Variants in KDM1A observed in about 807,000 individuals in gnomAD.
The protein encoded by KDM1A is lysine demethylase 1A, also known as lysine-specific histone demethylase 1A.
A neutral mutation model predicts 109.4 loss-of-function variants in KDM1A; 49 were observed. The ratio of observed to expected loss-of-function variants is 0.45; its 90% CI spans 0.36 to 0.57. KDM1A has a LOEUF of 0.57. KDM1A is among the 20% of genes least tolerant of loss of function. The pLI is 0.00. For missense variants in KDM1A, 668 were observed against 1,116.6 expected (o/e 0.60, Z 5.73); for synonymous variants, 380 against 415.4 (o/e 0.91, Z 1.04).
intron 8 of KDM1A, 132 bp from the exon 9 acceptor site, chr1:23,058,937 CTTTT>C (rs139330847): frequency 3.3e-5 from 15 of 457,438 alleles, no homozygotes; most frequent in Middle Eastern, 6.1e-4. Context: ...ACTTAGAGTG[CTTTT>C]TTTTTTGAGA....
chr1:23,076,263 A>G (rs1347499231), intron 15 of KDM1A, among the ~76,000 whole-genome samples: 1 of 152,166 alleles, frequency 6.6e-6, no homozygotes, highest in Non-Finnish European at 1.5e-5. Flanking sequence ...TACAAAAAAA[A>G]TGTTACATAG....
chr1:23,077,161 C>CAGA (rs1643491464), intron 15 of KDM1A, 67 bp from the exon 16 acceptor site: 1 of 1,462,454 alleles, frequency 6.8e-7, no homozygotes. Flanking sequence ...TGTTGTTGTA[C>CAGA]AGAACTAGGT....
In KDM1A at chr1:23,079,401, G is replaced by T; in HGVS notation, c.2056-152G>T. 1 of 699,678 alleles carries T rather than the reference G, an allele frequency of 1.4e-6. No homozygotes were observed. 43.3% of individuals were successfully genotyped at this position (699,678 alleles called of 1,614,324 possible). ...TTATGGGGTCATTTCACAAACTCAGGCCTATAAAAAGGGGATCGTAAATGT... is the reference window on the plus strand; with the variant it reads ...TTATGGGGTCATTTCACAAACTCAGTCCTATAAAAAGGGGATCGTAAATGT... On this transcript the variant is annotated intron_variant, in intron 17 of 20. Transcript: ENST00000400181. This position sits in a 1 kb window ranked among gnomAD's most constrained non-coding sequence, Gnocchi z 5.6.
intron 19 of KDM1A, 84 bp downstream of exon 19, chr1:23,081,657 G>C: frequency 6.7e-7 from 1 of 1,500,618 alleles, no homozygotes; most frequent in Non-Finnish European, 9.1e-7. Flanking sequence ...TCTTGGTCAG[G>C]ACAGTTTAAG....
rs1643336740 is a variant in KDM1A at position 23,072,065 on chromosome 1, A to G, written c.1549-59A>G. 4.2e-5 allele frequency: 43 copies of G among 1,035,436 alleles called. No homozygotes were observed. The South Asian group carries it at 5.7e-4, about 14-fold the overall frequency. The allele number at this position is 1,035,436 out of a possible 1,614,324, so 64.1% of individuals were successfully genotyped here. On this transcript the variant is annotated intron_variant, in intron 13 of 20. Transcript: ENST00000400181. ...CCAGACCTTATACTTTGTGGTACAA[A>G]GAAACTAGGTGGATATCTGACCCTT...
At chr1:23,071,465 T>C in intron 13 of KDM1A, 106 bp downstream of exon 13, 1 of 1,090,520 alleles carries the variant, frequency 9.2e-7, no homozygotes, top group Non-Finnish European at 1.3e-6. Context: ...ACAAGTGCCT[T>C]CAGTGCAATG....
intron 13 of KDM1A, 148 bp from the exon 14 acceptor site, chr1:23,071,976 C>G: frequency 1.8e-6 from 1 of 559,118 alleles, no homozygotes; most frequent in South Asian, 2.9e-5. Context: ...TCTCTCAGCT[C>G]TATCTAACCC....
At position 23,078,990 on chromosome 1, in the gene KDM1A, G is replaced by A. The variant is rs1217824799; in HGVS notation, c.1868G>A (p.Gly623Glu). 1 of 1,613,208 alleles carries A rather than the reference G, an allele frequency of 6.2e-7. No individual in the cohort carries two copies. Among genetic ancestry groups the A allele is most frequent in the Non-Finnish European group, 8.5e-7 (1 of 1,179,352 alleles). Residue 623 changes from glycine (G) to glutamate (E), a missense_variant and splice_region_variant, in exon 17 of 21, where the codon GGA (glycine) becomes GAA (glutamate). By Grantham distance (98) the Gly-to-Glu change is moderately conservative. Around this residue, in one of 8 missense-constraint regions of KDM1A, gnomAD observed 162 missense variants for 376.4 expected, o/e 0.43. Transcript: ENST00000400181. ...GTCTTTTCCCACCCAACCTCTGCAG[G>A]ATGTGAAGTGATAGCTGTGAATACC... ...AVRQVRYTAS[G>E]CEVIAVNTRS...
intron 10 of KDM1A, among the ~76,000 whole-genome samples, chr1:23,066,671 A>G (rs1557576091): frequency 6.6e-6 from 1 of 152,164 alleles, no homozygotes; most frequent in Non-Finnish European, 1.5e-5. Context: ...ACACATAGAA[A>G]TATCACTTTT....
In KDM1A at chr1:23,081,138, T is replaced by G. The variant is rs1486445873; in HGVS notation, c.2171-308T>G. Reference sequence around the variant, plus strand: ...TGTGCCAAAGTAAAGCGATGCTTAATAATTCCCTTTTATTAGCAAGATCTG... The same window carrying G: ...TGTGCCAAAGTAAAGCGATGCTTAAGAATTCCCTTTTATTAGCAAGATCTG... On this transcript the variant is annotated intron_variant, in intron 18 of 20. Transcript: ENST00000400181. 12 of 268,542 alleles carry G rather than the reference T, an allele frequency of 4.5e-5. No individual in the cohort carries two copies. The Admixed American group carries it at 5.8e-4, about 13-fold the overall frequency. The allele number at this position is 268,542 out of a possible 1,614,324, so 16.6% of individuals were successfully genotyped here. A position where few individuals can be genotyped will look rare whatever the true frequency, so the allele number is the denominator to read the frequency against.
chr1:23,077,201 A>C (rs558092675), intron 15 of KDM1A, 27 bp from the exon 16 acceptor site: 2 of 1,603,454 alleles, frequency 1.2e-6, no homozygotes, highest in South Asian at 1.1e-5. Flanking sequence ...AAAAGGTTGG[A>C]AATATGTTCT....
intron 2 of KDM1A, 88 bp from the exon 3 acceptor site, chr1:23,044,339 A>G (rs1255269631): frequency 3.3e-6 from 4 of 1,214,560 alleles, no homozygotes; most frequent in South Asian, 1.3e-5. Flanking sequence ...TGGTGAATTC[A>G]TGAGTCGCCA....
chr1:23,045,009 A>G (rs958160978), intron 3 of KDM1A, among the ~76,000 whole-genome samples: 1 of 152,170 alleles, frequency 6.6e-6, no homozygotes, highest in African/African-American at 2.4e-5. Flanking sequence ...CAGTTTAAAC[A>G]TTTTGTTTCT....
chr1:23,020,144 G>A, intron 1 of KDM1A, 197 bp downstream of exon 1: 1 of 535,008 alleles, frequency 1.9e-6, no homozygotes, highest in South Asian at 4.6e-5. Flanking sequence ...GTTGACTGCG[G>A]TCTTTGTGCT....
rs1439831779 is a variant in KDM1A, at chr1:23,055,996, G to T, written c.948G>T (p.Gln316His). The T allele has an allele frequency of 3.7e-6, 6 of 1,612,998 alleles. No individual in the cohort carries two copies. The highest frequency in any genetic ancestry group is 5.1e-6 in the Non-Finnish European group (6 of 1,179,372). The change falls in exon 7 of 21, where the codon CAG becomes CAT. Residue 316 changes from glutamine (Q) to histidine (H), a missense_variant. Gln to His is a conservative substitution (Grantham distance 24). This residue lies in a region of KDM1A where 53 missense variants were observed against 122.5 expected (regional missense o/e 0.43). Transcript: ENST00000400181. ...SGVSGLAAAR[Q>H]LQSFGMDVTL... ...TCTCAGGCTTGGCAGCAGCTCGACA[G>T]TTACAAAGTTTTGGAATGGATGTCA...
At chr1:23,034,360 A>G (rs1463786872) in intron 2 of KDM1A, among the ~76,000 whole-genome samples, 3 of 152,128 alleles carry the variant, frequency 2.0e-5, no homozygotes, top group Non-Finnish European at 4.4e-5. Flanking sequence ...TTTGGAATTG[A>G]GTGTGTTTGG....
At chr1:23,078,743 T>C (rs1287266069) in intron 16 of KDM1A, among the ~76,000 whole-genome samples, 2 of 152,208 alleles carry the variant, frequency 1.3e-5, no homozygotes, top group Non-Finnish European at 2.9e-5. Context: ...AGGAGGGTAG[T>C]GTGGGGATGA....
In KDM1A at chr1:23,077,306, G is replaced by A. The variant is rs750587822; in HGVS notation, c.1813G>A (p.Gly605Ser). 9.3e-6 allele frequency: 15 copies of A among 1,614,126 alleles called. No individual in the cohort carries two copies. The South Asian group carries it at 1.6e-4, about 18-fold the overall frequency. Residue 605 changes from glycine to serine, a missense_variant, in exon 16 of 21, where the codon GGC becomes AGC. By Grantham distance (56) the Gly-to-Ser change is moderately conservative (BLOSUM62 0). Around this residue, in one of 8 missense-constraint regions of KDM1A, gnomAD observed 162 missense variants for 376.4 expected, o/e 0.43. Transcript: ENST00000400181. ...GTGTGTGCCTGTGGCTTTAGCAGAA[G>A]GCCTAGACATTAAACTGAATACAGC... ...YSCVPVALAEGLDIKLNTAVR... is the reference protein window; with the variant it reads ...YSCVPVALAESLDIKLNTAVR...
chr1:23,062,294 C>A (rs1643022877), intron 9 of KDM1A, among the ~76,000 whole-genome samples: 1 of 152,190 alleles, frequency 6.6e-6, no homozygotes, highest in Non-Finnish European at 1.5e-5. Context: ...GCTGAGTCTC[C>A]TTCTCTGAGA....
Sources: gnomAD v4.1 joint callset for allele counts (sites outside exome capture counted in the v4.1 genomes callset) on GRCh38, gnomAD v4.1.1 for gene constraint, gnomAD v4.1.1 regional missense constraint, Gnocchi (gnomAD v3.1) non-coding constraint, MANE v1.5 for transcripts, NCBI Gene and HGNC (gene_info 2026-07-23, HGNC 2026-07-21) for gene names.